Variants in SLC44A3 observed in about 807,000 individuals in gnomAD.
SLC44A3 encodes choline transporter-like protein 3.
In SLC44A3, 74 loss-of-function variants were observed where a neutral mutation model predicts 75.4. That is an observed-to-expected ratio of 0.98 (90% CI 0.81 to 1.19). SLC44A3 has a LOEUF of 1.19. SLC44A3 is among the 50% of genes most tolerant of loss of function. The pLI is 0.00. For missense variants in SLC44A3, 700 were observed against 778.6 expected (o/e 0.90, Z 1.20); for synonymous variants, 310 against 296.9 (o/e 1.04, Z -0.45).
intron 12 of SLC44A3, among the ~76,000 whole-genome samples, chr1:94,886,441 C>T (rs1557890188): frequency 1.3e-5 from 2 of 152,168 alleles, no homozygotes. Flanking sequence ...TCCCATTTCT[C>T]CTCTGCTGGG....
At chr1:94,848,934 G>T (rs1462459522) in intron 9 of SLC44A3, among the ~76,000 whole-genome samples, 1 of 152,148 alleles carries the variant, frequency 6.6e-6, no homozygotes, top group Admixed American at 6.5e-5. Flanking sequence ...TGCAGCAGAA[G>T]TCAAGGCAGC....
rs758783363 is a variant in SLC44A3 at position 94,820,944 on chromosome 1, G to A, written c.28-5G>A. 6.5e-7 allele frequency: 1 copy of A among 1,547,286 alleles called. No individual in the cohort carries two copies. The highest frequency in any genetic ancestry group is 8.7e-7 in the Non-Finnish European group (1 of 1,144,722). ...CTTTTTCTCAACTCTCCCTTTTTCT[G>A]GAAGGTTTCTGCAGAAGGAGCCCCT... On this transcript the variant is annotated splice_polypyrimidine_tract_variant and splice_region_variant and intron_variant, in intron 1 of 14. Transcript: ENST00000271227.
At chr1:94,825,443 G>T (rs1661183665) in intron 3 of SLC44A3, among the ~76,000 whole-genome samples, 1 of 152,100 alleles carries the variant, frequency 6.6e-6, no homozygotes, top group Non-Finnish European at 1.5e-5. Flanking sequence ...AGATTCTCTT[G>T]CCTCAGCTTC....
At position 94,827,755 on chromosome 1, in the gene SLC44A3, T is replaced by C. The variant is rs142083396; in HGVS notation, c.415+112T>C. On this transcript the variant is annotated intron_variant, in intron 4 of 14. Coordinates refer to ENST00000271227, the MANE Select transcript of SLC44A3 (RefSeq NM_001114106.3). ...TTCTCTGGAAAGCTGGAAGTTTTAC[T>C]TCCTTGTGGGTGCCTCTTTTTGTGT... The C allele has an allele frequency of 1.9e-4, 250 of 1,342,204 alleles. 1 individual carries two copies. The highest frequency in any genetic ancestry group is 2.4e-4 in the Non-Finnish European group (239 of 977,314). 83.1% of individuals were successfully genotyped at this position (1,342,204 alleles called of 1,614,324 possible). A position where few individuals can be genotyped will look rare whatever the true frequency, so the allele number is the denominator to read the frequency against.
chr1:94,866,447 C>T (rs759390669), intron 11 of SLC44A3, among the ~76,000 whole-genome samples: 10 of 152,142 alleles, frequency 6.6e-5, no homozygotes, highest in South Asian at 2.1e-4. Context: ...AAAATGTGTC[C>T]TTTCTTAGGT....
intron 12 of SLC44A3, among the ~76,000 whole-genome samples, chr1:94,883,459 T>C (rs181154531): frequency 1.2e-4 from 18 of 152,264 alleles, no homozygotes; most frequent in Admixed American, 7.8e-4. Flanking sequence ...TGAGCCATGA[T>C]TGAGCCACTA....
chr1:94,834,687 G>C (rs138522354), intron 5 of SLC44A3, among the ~76,000 whole-genome samples: 9 of 152,140 alleles, frequency 5.9e-5, no homozygotes, highest in Admixed American at 5.2e-4. Context: ...GTTTCACCAC[G>C]TTGGCCAGGC....
intron 12 of SLC44A3, among the ~76,000 whole-genome samples, chr1:94,869,152 GC>G (rs1270145596): frequency 6.6e-6 from 1 of 152,210 alleles, no homozygotes; most frequent in Non-Finnish European, 1.5e-5. Context: ...TGTTTCCTCT[GC>G]CCTGTTATCC....
intron 12 of SLC44A3, chr1:94,888,637 C>G (rs1467438831): frequency 1.0e-6 from 1 of 954,138 alleles, no homozygotes; most frequent in Non-Finnish European, 1.2e-6. Context: ...CCTTGTGGAA[C>G]TTTCTTTTTT....
intron 8 of SLC44A3, 53 bp from the exon 9 acceptor site, chr1:94,845,225 T>C (rs1664249367): frequency 2.0e-6 from 3 of 1,523,644 alleles, no homozygotes; most frequent in Non-Finnish European, 2.7e-6. Flanking sequence ...CTTTAAGCTC[T>C]ACCCAGTTCT....
At chr1:94,850,197 T>C (rs759677429) in intron 9 of SLC44A3, among the ~76,000 whole-genome samples, 3 of 152,086 alleles carry the variant, frequency 2.0e-5, no homozygotes, top group African/African-American at 4.8e-5. Context: ...TGTTTGGGGA[T>C]TTTTTTTCAG....
chr1:94,833,399 C>G (rs557533834), intron 5 of SLC44A3, among the ~76,000 whole-genome samples: 268 of 152,282 alleles, frequency 1.8e-3, no homozygotes, highest in African/African-American at 6.2e-3. Context: ...AGTCCTGAGG[C>G]ATTAATTAGC....
chr1:94,861,729 A>T (rs556830797), intron 10 of SLC44A3, among the ~76,000 whole-genome samples: 28 of 152,282 alleles, frequency 1.8e-4, no homozygotes, highest in African/African-American at 6.7e-4. Context: ...CATCTTTGTC[A>T]TTCATTTATG....
intron 6 of SLC44A3, among the ~76,000 whole-genome samples, 165 bp downstream of exon 6, chr1:94,838,036 C>T (rs1304122410): frequency 2.6e-5 from 4 of 152,192 alleles, no homozygotes; most frequent in South Asian, 2.1e-4. Flanking sequence ...GGGGGCAATA[C>T]GAATAGAGGA....
chr1:94,866,163 G>A (rs138645328), intron 11 of SLC44A3, among the ~76,000 whole-genome samples: 20 of 152,268 alleles, frequency 1.3e-4, no homozygotes, highest in Admixed American at 3.3e-4. Flanking sequence ...ACAGGACAGC[G>A]TTTTATTTTA....
At chr1:94,878,577 C>T (rs1668589178) in intron 12 of SLC44A3, among the ~76,000 whole-genome samples, 1 of 152,158 alleles carries the variant, frequency 6.6e-6, no homozygotes, top group Non-Finnish European at 1.5e-5. Flanking sequence ...ACAAGGGAAA[C>T]TACTTTCTGA....
intron 10 of SLC44A3, among the ~76,000 whole-genome samples, chr1:94,862,566 G>T (rs1273655929): frequency 6.6e-6 from 1 of 152,162 alleles, no homozygotes; most frequent in Non-Finnish European, 1.5e-5. Flanking sequence ...TCGTTGTTCT[G>T]GGAGCCAGGC....
At chr1:94,837,944 C>A (rs1410705367) in intron 6 of SLC44A3, 73 bp downstream of exon 6, 4 of 1,291,694 alleles carry the variant, frequency 3.1e-6, no homozygotes, top group African/African-American at 1.5e-5. Context: ...ATATGTTGTA[C>A]AATGAAAATT....
In SLC44A3 at chr1:94,892,481, G is replaced by A. The variant is rs757493214; in HGVS notation, c.1821G>A (p.Ser607=). The change falls in exon 14 of 15, where the codon TCG becomes TCA. Residue 607 remains serine (S), a synonymous_variant. Coordinates refer to ENST00000271227, the MANE Select transcript of SLC44A3 (RefSeq NM_001114106.3). ...FAVDLETNDG[S]SEKPYFMDQE... is the part of the protein sequence containing the mutation. ...TTGATCTGGAAACAAATGATGGATC[G>A]TCAGAAAAGCCCTACTTTATGGATC... 21 of 1,614,000 alleles carry A rather than the reference G, an allele frequency of 1.3e-5. No individual in the cohort carries two copies. The South Asian group carries it at 1.4e-4, about 11-fold the overall frequency.
Sources: allele counts gnomAD v4.1 joint callset (sites outside exome capture counted in the v4.1 genomes callset), GRCh38; gene constraint gnomAD v4.1.1; transcripts MANE v1.5; gene names NCBI Gene and HGNC (gene_info 2026-07-23, HGNC 2026-07-21).